The following BTAF1 variants were observed in gnomAD, a reference collection of about 807,000 sequenced individuals.
The protein encoded by BTAF1 is B-TFIID TATA-box binding protein associated factor 1.
A neutral mutation model predicts 227.1 loss-of-function variants in BTAF1; 38 were observed. That is an observed-to-expected ratio of 0.17 (90% CI 0.13 to 0.22). The LOEUF (loss-of-function observed/expected upper bound fraction) is 0.22. Among genes scored for constraint, BTAF1 ranks in the 10% least tolerant of loss-of-function variants. The probability of loss-of-function intolerance (pLI) is 1.00; values close to 1 mark genes in which losing one functional copy is unlikely to be tolerated. For missense variants in BTAF1, 1,598 were observed against 2,204.0 expected (o/e 0.73, Z 5.51); for synonymous variants, 742 against 751.9 (o/e 0.99, Z 0.21).
intron 1 of BTAF1, among the ~76,000 whole-genome samples, chr10:91,930,635 AT>A (rs1179478262): frequency 9.9e-5 from 15 of 152,192 alleles, no homozygotes; most frequent in Non-Finnish European, 2.1e-4. Context: ...ACACTAGAGA[AT>A]TTGTTGGAAG....
intron 4 of BTAF1, among the ~76,000 whole-genome samples, chr10:91,945,174 G>GT (rs201168547): frequency 8.5e-4 from 126 of 147,624 alleles, no homozygotes; most frequent in African/African-American, 1.9e-3. Flanking sequence ...TTTTGTGGTG[G>GT]TTTTTTTTTT....
chr10:91,924,310 C>T (rs1310811481), intron 1 of BTAF1, among the ~76,000 whole-genome samples: 3 of 152,178 alleles, frequency 2.0e-5, no homozygotes, highest in African/African-American at 7.2e-5. Context: ...TTAATAGACC[C>T]CTTGGCACGT....
intron 24 of BTAF1, among the ~76,000 whole-genome samples, chr10:91,996,820 CTTTTTA>C (rs1242788265): frequency 1.8e-4 from 28 of 151,950 alleles, no homozygotes; most frequent in Non-Finnish European, 3.4e-4. Flanking sequence ...TTTAAAACAT[CTTTTTA>C]ATAGGCAAAA....
chr10:92,030,478 CTATT>C lies in BTAF1; in HGVS notation c.*1551_*1554del, dbSNP rs1359191268. 2.0e-5 allele frequency among the ~76,000 whole-genome samples: 3 copies of C among 151,922 alleles called. No homozygotes were observed. The highest frequency in any genetic ancestry group is 4.8e-5 in the African/African-American group (2 of 41,374). ...TTTGAGTTGAATATTTTTTTATTAA[CTATT>C]TATTTGCTAGTTCCATAAACCAGCT... On this transcript the variant is annotated 3_prime_UTR_variant, in exon 38 of 38. Transcript: ENST00000265990.
intron 14 of BTAF1, among the ~76,000 whole-genome samples, chr10:91,969,437 C>T (rs1288888137): frequency 6.6e-6 from 1 of 151,812 alleles, no homozygotes; most frequent in Admixed American, 6.6e-5. Flanking sequence ...AGTCAGTCAC[C>T]AATATTATTT....
intron 19 of BTAF1, among the ~76,000 whole-genome samples, chr10:91,987,919 C>G (rs1471467326): frequency 6.6e-6 from 1 of 152,154 alleles, no homozygotes; most frequent in Non-Finnish European, 1.5e-5. Context: ...CTGTGCTTAT[C>G]CAGAGTTCAT....
chr10:91,997,937 C>G (rs996611538), intron 25 of BTAF1, among the ~76,000 whole-genome samples, 186 bp downstream of exon 25: 1 of 151,880 alleles, frequency 6.6e-6, no homozygotes, highest in African/African-American at 2.4e-5. Context: ...GGGTGAAACC[C>G]TGTCTCTACT....
rs530875744 is a variant in BTAF1, at chr10:92,018,864, G to A, written c.4792G>A (p.Glu1598Lys). The change falls in exon 34 of 38, where the codon GAA (glutamate) becomes AAA (lysine). Residue 1598 changes from glutamate to lysine, a missense_variant. Coordinates refer to ENST00000265990, the MANE Select transcript of BTAF1 (RefSeq NM_003972.3). The part of the protein sequence containing the change: ...PQHPEFKTTA[E>K]KLAVQNSSLH... Reference sequence around the variant, plus strand: ...ACATCCAGAATTCAAGACCACTGCCGAAAAACTGGCAGTTCAGAATTCTTC... The same window carrying A: ...ACATCCAGAATTCAAGACCACTGCCAAAAAACTGGCAGTTCAGAATTCTTC... 8 of 1,610,468 alleles carry A rather than the reference G, an allele frequency of 5.0e-6. No homozygotes were observed. The highest frequency in any genetic ancestry group is 1.7e-5 in the Admixed American group (1 of 58,880).
chr10:91,935,604 G>T, intron 1 of BTAF1, 53 bp from the exon 2 acceptor site: 1 of 1,594,756 alleles, frequency 6.3e-7, no homozygotes, highest in Non-Finnish European at 8.6e-7. Context: ...ACTTAAACTT[G>T]TACATACGAG....
In BTAF1 at chr10:91,984,909, T is replaced by A. The variant is rs111731733; in HGVS notation, c.2427+505T>A. Reference sequence around the variant, plus strand: ...ATGAATCCATCCAGGGCAGTTTTTTTAAATGCGTTTCTAAGTAAGTTTCAG... The same window carrying A: ...ATGAATCCATCCAGGGCAGTTTTTTAAAATGCGTTTCTAAGTAAGTTTCAG... On this transcript the variant is annotated intron_variant, in intron 19 of 37. Transcript: ENST00000265990. Among the ~76,000 whole-genome samples, 560 of 152,324 alleles carry A rather than the reference T, an allele frequency of 3.7e-3. 4 individuals are homozygous for A. Among genetic ancestry groups the A allele is most frequent in the African/African-American group, 0.012 (518 of 41,582 alleles).
rs1267896232 is a variant in BTAF1, at chr10:91,953,842, T to C, written c.670T>C (p.Ser224Pro). ...RMAKLFAKQR[S>P]RDAVETNEKS... ...GGCCAAGTTATTTGCAAAACAGAGA[T>C]CCAGGGATGCAGTGGAAACTAATGA... The change falls in exon 6 of 38, where the codon TCC becomes CCC. Residue 224 changes from serine to proline, a missense_variant. This residue lies in a region of BTAF1 where 298 missense variants were observed against 395.2 expected (regional missense o/e 0.75). Transcript: ENST00000265990. 1.2e-6 allele frequency: 2 copies of C among 1,613,958 alleles called. No individual in the cohort carries two copies. The highest frequency in any genetic ancestry group is 1.7e-5 in the Admixed American group (1 of 60,014).
chr10:91,985,718 T>TA (rs1007028712), intron 19 of BTAF1, among the ~76,000 whole-genome samples: 1 of 152,190 alleles, frequency 6.6e-6, no homozygotes, highest in African/African-American at 2.4e-5. Flanking sequence ...TGATGACTAA[T>TA]ATGTTGAATA....
chr10:91,942,984 G>C (rs560795048), intron 4 of BTAF1, among the ~76,000 whole-genome samples: 108 of 152,116 alleles, frequency 7.1e-4, no homozygotes, highest in African/African-American at 2.4e-3. Flanking sequence ...TGATATTATT[G>C]GGTTTACTCA....
In BTAF1 at chr10:91,966,809, A is replaced by C. The variant is rs74149337; in HGVS notation, c.1650+52A>C. 4,591 of 1,532,528 alleles carry C rather than the reference A, an allele frequency of 3.0e-3. 89 individuals carry two copies. In the African/African-American group the frequency reaches 0.045, roughly 15 times the overall value. The allele number at this position is 1,532,528 out of a possible 1,614,324, so 94.9% of individuals were successfully genotyped here. A position where few individuals can be genotyped will look rare whatever the true frequency, so the allele number is the denominator to read the frequency against. The stretch of plus-strand genomic sequence containing the variant: ...TGAAACTTATATAAATTAATTTTAT[A>C]AAATAAACCTGGTCTTTAGCTTACC... On this transcript the variant is annotated intron_variant, in intron 14 of 37. Coordinates refer to ENST00000265990, the MANE Select transcript of BTAF1 (RefSeq NM_003972.3).
chr10:92,003,557 A>G (rs1408260779), intron 25 of BTAF1, among the ~76,000 whole-genome samples: 2 of 152,192 alleles, frequency 1.3e-5, no homozygotes, highest in African/African-American at 2.4e-5. Context: ...AGGTTTATTC[A>G]TGTTGTCACA....
At chr10:91,935,535 G>C (rs552929451) in intron 1 of BTAF1, 122 bp from the exon 2 acceptor site, 1 of 1,012,902 alleles carries the variant, frequency 9.9e-7, no homozygotes, top group African/African-American at 1.6e-5. Context: ...ATGTCTTTCC[G>C]GGGCTCATTT....
At chr10:91,976,059 C>T (rs977459147) in intron 14 of BTAF1, among the ~76,000 whole-genome samples, 19 of 152,196 alleles carry the variant, frequency 1.2e-4, no homozygotes, top group African/African-American at 4.1e-4. Flanking sequence ...GTACTTCTGA[C>T]CTACCATCTG....
chr10:91,938,019 C>T (rs986597093), intron 2 of BTAF1, among the ~76,000 whole-genome samples: 1 of 152,162 alleles, frequency 6.6e-6, no homozygotes, highest in Admixed American at 6.5e-5. Context: ...TGATATCAGG[C>T]ATATGTATTT....
intron 1 of BTAF1, among the ~76,000 whole-genome samples, chr10:91,934,599 C>G (rs975428318): frequency 1.1e-4 from 16 of 152,144 alleles, no homozygotes; most frequent in African/African-American, 3.1e-4. Flanking sequence ...AGCATAGTTT[C>G]AGTTCCATTA....
Sources: gnomAD v4.1 joint callset for allele counts (sites outside exome capture counted in the v4.1 genomes callset) on GRCh38, gnomAD v4.1.1 for gene constraint, gnomAD v4.1.1 regional missense constraint, MANE v1.5 for transcripts, NCBI Gene and HGNC (gene_info 2026-07-23, HGNC 2026-07-21) for gene names.